The following EZR variants were observed in gnomAD, a reference collection of about 807,000 sequenced individuals.
EZR encodes cytovillin 2.
In EZR, 40 loss-of-function variants were observed where a neutral mutation model predicts 74.8. The ratio of observed to expected loss-of-function variants is 0.53; its 90% CI spans 0.42 to 0.70. EZR has a LOEUF of 0.70. EZR is among the 30% of genes least tolerant of loss of function. EZR has a pLI of 0.00. For synonymous variants in EZR, 341 were observed against 283.3 expected, an observed-to-expected ratio of 1.20 and a Z score of -2.05; for missense variants, 678 against 755.8, an observed-to-expected ratio of 0.90 and a Z score of 1.21.
intron 2 of EZR, among the ~76,000 whole-genome samples, chr6:158,802,870 A>G (rs916993760): frequency 2.0e-5 from 3 of 152,138 alleles, no homozygotes; most frequent in Non-Finnish European, 4.4e-5. Flanking sequence ...TACATGGTTT[A>G]TCCCTCGAAT....
chr6:158,789,295 A>G lies in EZR; in HGVS notation c.89T>C (p.Phe30Ser), dbSNP rs1404612940. Residue 30 changes from phenylalanine to serine, a missense_variant, in exon 3 of 14, where the codon TTT becomes TCT. By Grantham distance (155) the Phe-to-Ser change is radical (BLOSUM62 -2). Around this residue, in one of 3 missense-constraint regions of EZR, gnomAD observed 217 missense variants for 232.2 expected, o/e 0.93. Transcript: ENST00000367075. ...IQPNTTGKQL[F>S]DQVVKTIGLR... ...TCAAGTTCAGAGACCAACCTGATCA[A>G]AAAGCTGTTTTCCAGTTGTATTTGG... 1 of 1,613,958 alleles carries G rather than the reference A, an allele frequency of 6.2e-7. No homozygotes were observed. Among genetic ancestry groups the G allele is most frequent in the South Asian group, 1.1e-5 (1 of 91,056 alleles).
chr6:158,778,920 G>A (rs1791353049), intron 7 of EZR, among the ~76,000 whole-genome samples: 2 of 152,126 alleles, frequency 1.3e-5, no homozygotes, highest in East Asian at 1.9e-4. Flanking sequence ...ATTAATACAC[G>A]TAAAAAGTTT....
intron 1 of EZR, among the ~76,000 whole-genome samples, chr6:158,818,492 G>T (rs1329811861): frequency 6.6e-6 from 1 of 151,394 alleles, no homozygotes; most frequent in Non-Finnish European, 1.5e-5. Flanking sequence ...AGGGGCTGGT[G>T]GGGGGCGCAG....
At chr6:158,804,433 GT>G (rs1383246275) in intron 2 of EZR, among the ~76,000 whole-genome samples, 1 of 152,226 alleles carries the variant, frequency 6.6e-6, no homozygotes, top group Non-Finnish European at 1.5e-5. Context: ...AACTCCTGAA[GT>G]CTAAGTCTTG....
chr6:158,794,234 C>T (rs1418989826), intron 2 of EZR, among the ~76,000 whole-genome samples: 1 of 152,100 alleles, frequency 6.6e-6, no homozygotes, highest in Non-Finnish European at 1.5e-5. Flanking sequence ...TGAGCAAGAT[C>T]GCGCCACTGC....
At chr6:158,778,924 A>AAC (rs1239523722) in intron 7 of EZR, among the ~76,000 whole-genome samples, 1 of 152,210 alleles carries the variant, frequency 6.6e-6, no homozygotes, top group African/African-American at 2.4e-5. Flanking sequence ...ATACACGTAA[A>AAC]AAGTTTTTAA....
chr6:158,780,519 CG>C (rs1281875330), intron 7 of EZR, among the ~76,000 whole-genome samples: 2 of 152,094 alleles, frequency 1.3e-5, no homozygotes, highest in Non-Finnish European at 2.9e-5. Flanking sequence ...AGTACCTATC[CG>C]CAAGGAATTT....
At chr6:158,803,050 C>A (rs1457153174) in intron 2 of EZR, among the ~76,000 whole-genome samples, 1 of 151,976 alleles carries the variant, frequency 6.6e-6, no homozygotes, top group Non-Finnish European at 1.5e-5. Context: ...ACTCACACCT[C>A]CTTTTCTAAA....
At chr6:158,803,608 TATATATATATATATATACATATACATAC>T (rs1777259393) in intron 2 of EZR, among the ~76,000 whole-genome samples, 5 of 15,782 alleles carry the variant, frequency 3.2e-4, no homozygotes, top group East Asian at 2.4e-3. Context: ...TATATATACA[TATATATATATATATATACATATACATAC>T]ATATATATAT....
In EZR at chr6:158,795,458, C is replaced by T. The variant is rs115950367; in HGVS notation, c.13-6087G>A. Among the ~76,000 whole-genome samples the T allele has an allele frequency of 6.6e-3, 1,005 of 152,164 alleles. 10 individuals carry two copies. The highest frequency in any genetic ancestry group is 0.023 in the African/African-American group (952 of 41,500). On this transcript the variant is annotated intron_variant, in intron 2 of 13. Transcript: ENST00000367075. ...TTGTATTTGTGTTATTACAGGTTAGCTCAGCTCGAACTTACTATACTACAG... is the reference window on the plus strand; with the variant it reads ...TTGTATTTGTGTTATTACAGGTTAGTTCAGCTCGAACTTACTATACTACAG...
In EZR at chr6:158,789,515, A is replaced by G. The variant is rs776643911; in HGVS notation, c.13-144T>C. On this transcript the variant is annotated intron_variant, in intron 2 of 13. Coordinates refer to ENST00000367075, the MANE Select transcript of EZR (RefSeq NM_001111077.2). Reference sequence around the variant, plus strand: ...TCCTGTGCTAGTCAGGAAGCCACACACCACTCCTGACTGCAGATGGCTGGG... The same window carrying G: ...TCCTGTGCTAGTCAGGAAGCCACACGCCACTCCTGACTGCAGATGGCTGGG... 18 of 789,566 alleles carry G rather than the reference A, an allele frequency of 2.3e-5. No individual in the cohort carries two copies. The East Asian group carries it at 3.9e-4, about 17-fold the overall frequency. 48.9% of individuals were successfully genotyped at this position (789,566 alleles called of 1,614,324 possible). A position where few individuals can be genotyped will look rare whatever the true frequency, so the allele number is the denominator to read the frequency against.
At chr6:158,776,809 C>T (rs1583561455) in intron 7 of EZR, among the ~76,000 whole-genome samples, 1 of 152,142 alleles carries the variant, frequency 6.6e-6, no homozygotes, top group African/African-American at 2.4e-5. Context: ...TACCCAGGTA[C>T]CTTGACCCTC....
intron 13 of EZR, 64 bp downstream of exon 13, chr6:158,767,197 C>T (rs1790909017): frequency 3.2e-6 from 5 of 1,583,446 alleles, no homozygotes; most frequent in South Asian, 2.3e-5. Context: ...TCACTGCCCT[C>T]CCCAAGCCTG....
At chr6:158,787,577 G>A (rs567455623) in intron 3 of EZR, among the ~76,000 whole-genome samples, 17 of 152,156 alleles carry the variant, frequency 1.1e-4, no homozygotes, top group Non-Finnish European at 1.6e-4. Context: ...GGAACAGTGC[G>A]GTGGGTGCAT....
intron 2 of EZR, among the ~76,000 whole-genome samples, chr6:158,804,688 A>ATCAC (rs1471791698): frequency 6.6e-6 from 1 of 152,362 alleles, no homozygotes; most frequent in East Asian, 1.9e-4. Flanking sequence ...TAGATTAAAC[A>ATCAC]TCACTATTCA....
intron 3 of EZR, 76 bp downstream of exon 3, chr6:158,789,212 G>A (rs915516763): frequency 2.4e-5 from 27 of 1,118,038 alleles, no homozygotes; most frequent in Non-Finnish European, 2.9e-5. Context: ...AATATGCTTC[G>A]CAAACAAAAT....
rs774517856 is a variant in EZR at position 158,770,842 on chromosome 6, CTT to C, written c.1010_1011del (p.Lys337ArgfsTer18). 1.2e-6 allele frequency: 2 copies of C among 1,614,240 alleles called. No individual in the cohort carries two copies. The highest frequency in any genetic ancestry group is 1.7e-6 in the Non-Finnish European group (2 of 1,180,040). The stretch of plus-strand genomic sequence containing the variant: ...TCCTCCTTCTCGCGCATCATCTGCT[CTT>C]TCTCTCTCTCCACGGTTTCTCTCCT... ...KKRRETVERE[K>X]EQMMREKEEL... is the part of the protein sequence containing the mutation. On this transcript the variant is annotated frameshift_variant, in exon 10 of 14. Coordinates refer to ENST00000367075, the MANE Select transcript of EZR (RefSeq NM_001111077.2). LOFTEE classifies it high-confidence loss of function.
At chr6:158,793,228 G>A (rs538533367) in intron 2 of EZR, among the ~76,000 whole-genome samples, 148 of 151,610 alleles carry the variant, frequency 9.8e-4, no homozygotes, top group African/African-American at 3.3e-3. Context: ...GAATGAAAGA[G>A]TGAGATCCTC....
intron 2 of EZR, among the ~76,000 whole-genome samples, chr6:158,817,168 T>C (rs1328952490): frequency 1.3e-5 from 2 of 152,218 alleles, no homozygotes; most frequent in Non-Finnish European, 2.9e-5. Flanking sequence ...GATGTATCTG[T>C]AATCCCAATT....
Sources: gnomAD v4.1 joint callset for allele counts (sites outside exome capture counted in the v4.1 genomes callset) on GRCh38, gnomAD v4.1.1 for gene constraint, gnomAD v4.1.1 regional missense constraint, MANE v1.5 for transcripts, NCBI Gene and HGNC (gene_info 2026-07-23, HGNC 2026-07-21) for gene names.